Variants in MRM1 observed in about 807,000 individuals in gnomAD.
The protein encoded by MRM1 is mitochondrial rRNA methyltransferase 1, also known as rRNA methyltransferase 1, mitochondrial.
MRM1 carries 24 observed loss-of-function variants against 25.0 expected under a neutral mutation model. The observed-to-expected ratio is 0.96, with a 90% CI of 0.69 to 1.35. The LOEUF is 1.35. Ranked by LOEUF, MRM1 falls within the 40% of genes most tolerant of loss-of-function variation. MRM1 has a pLI of 0.00. For missense variants in MRM1, 431 were observed against 464.1 expected (o/e 0.93, Z 0.65); for synonymous variants, 188 against 199.2 (o/e 0.94, Z 0.47).
downstream of MRM1, among the ~76,000 whole-genome samples, chr17:36,611,298 T>C (rs1290295995): frequency 1.3e-5 from 2 of 152,200 alleles, no homozygotes; most frequent in Non-Finnish European, 2.9e-5. Flanking sequence ...AAGGTGCTCA[T>C]TCCAGTCCTG....
chr17:36,611,935 T>C (rs1303937345), downstream of MRM1, among the ~76,000 whole-genome samples: 1 of 145,464 alleles, frequency 6.9e-6, no homozygotes, highest in East Asian at 2.0e-4. Flanking sequence ...CAATGCCTTA[T>C]AATCTCTTGA....
the MRM1 span, among the ~76,000 whole-genome samples, chr17:36,627,236 C>T: frequency 6.6e-6 from 1 of 152,176 alleles, no homozygotes; most frequent in Non-Finnish European, 1.5e-5. Flanking sequence ...AGAAAAGAGA[C>T]CTGGGGTCTC....
At chr17:36,631,985 C>T in the MRM1 span, among the ~76,000 whole-genome samples, 1 of 152,132 alleles carries the variant, frequency 6.6e-6, no homozygotes, top group Non-Finnish European at 1.5e-5. Flanking sequence ...TGCCAAGCTA[C>T]AGAACAACCC....
chr17:36,603,224 G>A, intron 2 of MRM1: 2 of 985,082 alleles, frequency 2.0e-6, no homozygotes, highest in Non-Finnish European at 2.4e-6. Flanking sequence ...TAAGAAGGGG[G>A]AGAGCTCTGG....
At chr17:36,626,162 C>T in the MRM1 span, among the ~76,000 whole-genome samples, 1 of 152,172 alleles carries the variant, frequency 6.6e-6, no homozygotes, top group Admixed American at 6.5e-5. Flanking sequence ...CTATGCTGTC[C>T]CCTGGACTTC....
chr17:36,630,538 G>C, the MRM1 span, among the ~76,000 whole-genome samples: 1 of 152,190 alleles, frequency 6.6e-6, no homozygotes, highest in Admixed American at 6.5e-5. Context: ...TTCTCCAGCA[G>C]TCTGCTTGCC....
chr17:36,619,326 T>G, the MRM1 span, among the ~76,000 whole-genome samples: 1 of 152,200 alleles, frequency 6.6e-6, no homozygotes, highest in Non-Finnish European at 1.5e-5. Flanking sequence ...CCTCTTGGCT[T>G]TTTTGAATAA....
At chr17:36,617,916 C>T in the MRM1 span, among the ~76,000 whole-genome samples, 3 of 152,190 alleles carry the variant, frequency 2.0e-5, no homozygotes, top group African/African-American at 7.2e-5. Context: ...TGGTCCTCTC[C>T]TTCCCTCTCC....
the MRM1 span, among the ~76,000 whole-genome samples, chr17:36,622,091 T>A: frequency 1.3e-5 from 2 of 152,126 alleles, no homozygotes; most frequent in East Asian, 3.9e-4. Context: ...ATAGCCAGCC[T>A]GGGGAAGGGG....
chr17:36,615,429 G>A, the MRM1 span, among the ~76,000 whole-genome samples: 1 of 152,142 alleles, frequency 6.6e-6, no homozygotes. Flanking sequence ...GGGAGGCCGA[G>A]GTGGGCGAAT....
Position 36,608,227 on chromosome 17 carries a change from C to G in MRM1, c.890-16C>G, listed in dbSNP as rs1567849020. On this transcript the variant is annotated splice_polypyrimidine_tract_variant and intron_variant, in intron 4 of 4. Transcript: ENST00000614766. ...TCTCCTCCGTCCTCTCTTCCCTTGT[C>G]CTTGTGTCTGTGCAGGAATTCTTCT... The G allele has an allele frequency of 1.3e-6, 2 of 1,550,778 alleles. No homozygotes were observed. The highest frequency in any genetic ancestry group is 2.5e-5 in the South Asian group (2 of 81,166).
the MRM1 span, among the ~76,000 whole-genome samples, chr17:36,620,865 G>A: frequency 6.6e-6 from 1 of 152,148 alleles, no homozygotes; most frequent in Non-Finnish European, 1.5e-5. Context: ...TTGGAGACCT[G>A]GACTGGAAGA....
At chr17:36,607,579 T>A in intron 2 of MRM1, 91 bp from the exon 3 acceptor site, 1 of 1,446,514 alleles carries the variant, frequency 6.9e-7, no homozygotes, top group Non-Finnish European at 9.3e-7. Flanking sequence ...GCTGTGATCG[T>A]GCCACTGCAC....
chr17:36,608,070 G>A lies in MRM1; in HGVS notation c.889+52G>A, dbSNP rs916807258. ...TCTATCCCTCTAATCACGCAGGTGG[G>A]ATTTGATGCCCTCTAATCCCATTTG... On this transcript the variant is annotated intron_variant, in intron 4 of 4. Coordinates refer to ENST00000614766, the MANE Select transcript of MRM1 (RefSeq NM_024864.5). 5 of 1,598,708 alleles carry A rather than the reference G, an allele frequency of 3.1e-6. No individual in the cohort carries two copies. The African/African-American group carries it at 5.4e-5, about 17-fold the overall frequency.
At chr17:36,630,747 C>A in the MRM1 span, among the ~76,000 whole-genome samples, 3 of 152,010 alleles carry the variant, frequency 2.0e-5, no homozygotes, top group Non-Finnish European at 4.4e-5. Flanking sequence ...TAGAGACATT[C>A]GAGGAGTTAG....
chr17:36,633,013 C>T, the MRM1 span, among the ~76,000 whole-genome samples: 1 of 152,216 alleles, frequency 6.6e-6, no homozygotes, highest in Non-Finnish European at 1.5e-5. Flanking sequence ...ATTATTAAAA[C>T]AAAAGCGGGA....
rs749092992 is a variant in MRM1, at chr17:36,601,996, G to T, written c.186G>T (p.Leu62=). Residue 62 remains leucine, a synonymous_variant, in exon 1 of 5, where the codon CTG becomes CTT. Coordinates refer to ENST00000614766, the MANE Select transcript of MRM1 (RefSeq NM_024864.5). The stretch of plus-strand genomic sequence containing the variant: ...GCATGACCCCGTGTCTCCTGGCTCT[G>T]CAGGCCGCCCGCCGCTCTGTGGCCC... ...LFGMTPCLLA[L]QAARRSVARL... 9.9e-6 allele frequency: 16 copies of T among 1,609,924 alleles called. No homozygotes were observed. Among genetic ancestry groups the T allele is most frequent in the East Asian group, 6.7e-5 (3 of 44,842 alleles).
At chr17:36,626,956 A>C in the MRM1 span, among the ~76,000 whole-genome samples, 1 of 152,040 alleles carries the variant, frequency 6.6e-6, no homozygotes, top group African/African-American at 2.4e-5. Flanking sequence ...CAGGCCTCAG[A>C]CCCCAGCCCC....
the MRM1 span, among the ~76,000 whole-genome samples, chr17:36,614,989 G>T: frequency 6.6e-6 from 1 of 152,166 alleles, no homozygotes; most frequent in Non-Finnish European, 1.5e-5. Context: ...CAGTTAATTG[G>T]CTCAGCTCCT....
Sources: gnomAD v4.1 joint callset for allele counts (sites outside exome capture counted in the v4.1 genomes callset) on GRCh38, gnomAD v4.1.1 for gene constraint, MANE v1.5 for transcripts, NCBI Gene and HGNC (gene_info 2026-07-23, HGNC 2026-07-21) for gene names.